The following DAB1 variants were observed in gnomAD, a reference collection of about 807,000 sequenced individuals.
The protein encoded by DAB1 is disabled homolog 1.
DAB1 carries 15 observed loss-of-function variants against 64.6 expected under a neutral mutation model. The ratio of observed to expected loss-of-function variants is 0.23; its 90% CI spans 0.16 to 0.36. The LOEUF is 0.36. DAB1 is among the 10% of genes least tolerant of loss of function. DAB1 has a pLI of 1.00. For synonymous variants in DAB1, 235 were observed against 251.9 expected (o/e 0.93, Z 0.64); for missense variants, 596 against 706.7 (o/e 0.84, Z 1.78).
chr1:57,272,844 C>T (rs150519769), intron 2 of DAB1, among the ~76,000 whole-genome samples: 3 of 152,168 alleles, frequency 2.0e-5, no homozygotes, highest in East Asian at 3.9e-4. Flanking sequence ...GTGGGGCGGG[C>T]AGTAGGGGTC....
intron 4 of DAB1, among the ~76,000 whole-genome samples, chr1:57,087,417 G>C (rs1234631374): frequency 6.6e-6 from 1 of 152,248 alleles, no homozygotes; most frequent in African/African-American, 2.4e-5. Context: ...CACCAAGGGA[G>C]AAGGGGAGAG....
intron 2 of DAB1, among the ~76,000 whole-genome samples, chr1:57,271,871 T>C (rs1262879150): frequency 1.3e-5 from 2 of 152,152 alleles, no homozygotes; most frequent in South Asian, 2.1e-4. Context: ...GAATAGACTA[T>C]AGGTGGCCAC....
At chr1:58,471,706 A>G (rs1645361779) in intron 3 of DAB1, among the ~76,000 whole-genome samples, 1 of 152,144 alleles carries the variant, frequency 6.6e-6, no homozygotes, top group South Asian at 2.1e-4. Flanking sequence ...CGTGATAGTG[A>G]GTGAGTTATC....
At chr1:58,226,989 T>C (rs1659530291) in intron 4 of DAB1, among the ~76,000 whole-genome samples, 1 of 152,242 alleles carries the variant, frequency 6.6e-6, no homozygotes, top group Non-Finnish European at 1.5e-5. Context: ...TTAACTCATT[T>C]AACTCTCGAA....
chr1:57,326,929 C>CTGT (rs759797839), intron 1 of DAB1, among the ~76,000 whole-genome samples: 308 of 112,590 alleles, frequency 2.7e-3, no homozygotes, highest in Middle Eastern at 9.3e-3. Context: ...ACACAGAGCA[C>CTGT]TATTATTTAT....
intron 7 of DAB1, among the ~76,000 whole-genome samples, chr1:57,496,943 A>G (rs1320053384): frequency 6.6e-6 from 1 of 151,994 alleles, no homozygotes; most frequent in Non-Finnish European, 1.5e-5. Context: ...CTCCTCTCCA[A>G]CCTCACTTTC....
chr1:57,068,135 C>T (rs1228730759), intron 8 of DAB1, among the ~76,000 whole-genome samples: 2 of 147,892 alleles, frequency 1.4e-5, no homozygotes, highest in African/African-American at 4.9e-5. Context: ...ACCTGTAATA[C>T]TGCAAAGCTT....
chr1:57,983,425 G>A (rs1445316319), intron 5 of DAB1, among the ~76,000 whole-genome samples: 2 of 152,112 alleles, frequency 1.3e-5, no homozygotes, highest in Non-Finnish European at 2.9e-5. Flanking sequence ...ATTGAGTGAC[G>A]GGAATCCCAG....
chr1:57,100,573 T>G (rs1008513924), intron 4 of DAB1, among the ~76,000 whole-genome samples: 4 of 152,178 alleles, frequency 2.6e-5, no homozygotes, highest in Non-Finnish European at 5.9e-5. Flanking sequence ...AAATGCTGAT[T>G]GCAGAGATAT....
chr1:57,944,184 C>T (rs921839939), intron 5 of DAB1, among the ~76,000 whole-genome samples: 5 of 152,138 alleles, frequency 3.3e-5, no homozygotes, highest in African/African-American at 9.7e-5. Context: ...ATACTCAACA[C>T]GCTGGCTTCA....
intron 3 of DAB1, among the ~76,000 whole-genome samples, chr1:58,406,011 C>A (rs1003720276): frequency 2.0e-5 from 3 of 152,182 alleles, no homozygotes; most frequent in Non-Finnish European, 4.4e-5. Context: ...CACTGTGCTG[C>A]GTGTTTGACA....
intron 4 of DAB1, among the ~76,000 whole-genome samples, chr1:58,215,405 T>G (rs11207176): frequency 1.3e-5 from 1 of 75,442 alleles, no homozygotes; most frequent in Non-Finnish European, 3.7e-5. Context: ...GATAGTGTTT[T>G]TTTTTTTTTT....
intron 1 of DAB1, among the ~76,000 whole-genome samples, chr1:57,302,966 C>T (rs74414742): frequency 0.15 from 22,925 of 152,146 alleles, 3,130 homozygotes; most frequent in African/African-American, 0.37. Context: ...CATCTAACTA[C>T]AGTATTAAAT....
intron 4 of DAB1, among the ~76,000 whole-genome samples, chr1:58,207,358 T>C (rs1363254916): frequency 6.6e-6 from 1 of 152,156 alleles, no homozygotes; most frequent in African/African-American, 2.4e-5. Context: ...CATCTATGCA[T>C]GGTTGGGAAA....
intron 2 of DAB1, among the ~76,000 whole-genome samples, chr1:57,277,722 A>G (rs1384388095): frequency 6.6e-6 from 1 of 152,212 alleles, no homozygotes; most frequent in Non-Finnish European, 1.5e-5. Context: ...TTAGGATCAC[A>G]TAATAAGAAC....
intron 4 of DAB1, among the ~76,000 whole-genome samples, chr1:58,241,419 T>A (rs1660291484): frequency 6.6e-6 from 1 of 152,062 alleles, no homozygotes; most frequent in African/African-American, 2.4e-5. Context: ...CTAAACCCCT[T>A]TGAGCCTTGC....
chr1:58,466,894 C>T (rs1645303280), intron 3 of DAB1, among the ~76,000 whole-genome samples: 1 of 152,202 alleles, frequency 6.6e-6, no homozygotes. Flanking sequence ...AGCCATTCAT[C>T]ACTGTATCCT....
intron 5 of DAB1, among the ~76,000 whole-genome samples, chr1:57,956,682 G>A (rs17116554): frequency 1.5e-3 from 221 of 152,268 alleles, no homozygotes; most frequent in African/African-American, 5.1e-3. Context: ...GCTTCATTCC[G>A]ACGGAGTTCG....
intron 6 of DAB1, among the ~76,000 whole-genome samples, chr1:57,718,534 C>T (rs549202064): frequency 6.6e-6 from 1 of 152,130 alleles, no homozygotes; most frequent in Non-Finnish European, 1.5e-5. Context: ...AGAAACTGGC[C>T]ATTGTCATGG....
Sources: gnomAD v4.1 joint callset for allele counts (sites outside exome capture counted in the v4.1 genomes callset) on GRCh38, gnomAD v4.1.1 for gene constraint, MANE v1.5 for transcripts, NCBI Gene and HGNC (gene_info 2026-07-23, HGNC 2026-07-21) for gene names.